BRWD1: variants seen among roughly 807,000 people sequenced by gnomAD.
The protein encoded by BRWD1 is bromodomain and WD repeat-containing protein 1.
A neutral mutation model predicts 251.2 loss-of-function variants in BRWD1; 82 were observed. The observed-to-expected ratio is 0.33, with a 90% confidence interval of 0.27 to 0.39. The LOEUF (loss-of-function observed/expected upper bound fraction) is 0.39, where lower values mean the gene tolerates loss of function less well. Ranked by LOEUF, BRWD1 falls within the 10% of genes least tolerant of loss-of-function variation. BRWD1 has a pLI of 1.00. For synonymous variants in BRWD1, 918 were observed against 902.8 expected (o/e 1.02, Z -0.30); for missense variants, 2,233 against 2,711.6 (o/e 0.82, Z 3.92).
At chr21:39,302,674 G>A (rs2036157194) in intron 4 of BRWD1, among the ~76,000 whole-genome samples, 1 of 147,170 alleles carries the variant, frequency 6.8e-6, no homozygotes, top group Middle Eastern at 3.8e-3. Context: ...CAAGAATCAC[G>A]AATCTGGGAG....
At chr21:39,205,598 CCT>C (rs969294293) in intron 37 of BRWD1, among the ~76,000 whole-genome samples, 2 of 151,858 alleles carry the variant, frequency 1.3e-5, no homozygotes, top group African/African-American at 2.4e-5. Flanking sequence ...ACGGTGAAAC[CCT>C]GTCTCTACTA....
Position 39,196,172 on chromosome 21 carries a change from T to G in BRWD1, c.*87A>C, listed in dbSNP as rs1312736082. On this transcript the variant is annotated 3_prime_UTR_variant, in exon 41 of 41. Coordinates refer to ENST00000342449, the MANE Select transcript of BRWD1 (RefSeq NM_033656.4). ...AAAAATATAAATATATTCCCTGAAT[T>G]GTAAGACAAAAAAATAATTTTAACA... The G allele has an allele frequency of 6.7e-7, 1 of 1,484,890 alleles. No individual in the cohort carries two copies. Among genetic ancestry groups the G allele is most frequent in the Non-Finnish European group, 8.9e-7 (1 of 1,123,860 alleles). 92.0% of individuals were successfully genotyped at this position (1,484,890 alleles called of 1,614,324 possible). A position where few individuals can be genotyped will look rare whatever the true frequency, so the allele number is the denominator to read the frequency against.
intron 29 of BRWD1, among the ~76,000 whole-genome samples, chr21:39,223,780 TG>T (rs1279688494): frequency 6.6e-6 from 1 of 152,116 alleles, no homozygotes. Flanking sequence ...ATCTTTTCCT[TG>T]AAGGAAGACC....
intron 20 of BRWD1, among the ~76,000 whole-genome samples, chr21:39,248,177 G>A (rs1012796754): frequency 6.6e-6 from 1 of 152,218 alleles, no homozygotes; most frequent in African/African-American, 2.4e-5. Flanking sequence ...ACATTATGAT[G>A]CAGTAAGCAA....
Position 39,192,990 on chromosome 21 carries a change from A to T in BRWD1, c.*3269T>A, listed in dbSNP as rs937209275. The stretch of plus-strand genomic sequence containing the variant: ...TGTGCACCCCTTATTCTAAGTGATA[A>T]TTTTTACTTACGAGGTCATAACGAG... On this transcript the variant is annotated 3_prime_UTR_variant, in exon 41 of 41. Coordinates refer to ENST00000342449, the MANE Select transcript of BRWD1 (RefSeq NM_033656.4). 2 of 984,868 alleles carry T rather than the reference A, an allele frequency of 2.0e-6. No homozygotes were observed. Among genetic ancestry groups the T allele is most frequent in the African/African-American group, 3.5e-5 (2 of 57,178 alleles). The allele number at this position is 984,868 out of a possible 1,614,324, so 61.0% of individuals were successfully genotyped here. A position where few individuals can be genotyped will look rare whatever the true frequency, so the allele number is the denominator to read the frequency against.
chr21:39,249,749 A>G (rs2034326497), intron 20 of BRWD1, among the ~76,000 whole-genome samples: 3 of 152,188 alleles, frequency 2.0e-5, no homozygotes, highest in Non-Finnish European at 4.4e-5. Context: ...ACTCGTATTA[A>G]TGAGTTTCAC....
rs200747216 is a variant in BRWD1 at position 39,295,705 on chromosome 21, C to G, written c.609+38G>C. ...TGATTCTGAAGCACACTAAAGTACT[C>G]TAGATGACATCAAATCAAGTTTAAA... On this transcript the variant is annotated intron_variant, in intron 7 of 40. Transcript: ENST00000342449. The G allele has an allele frequency of 3.5e-5, 52 of 1,490,742 alleles. No homozygotes were observed. The African/African-American group carries it at 6.4e-4, about 18-fold the overall frequency. 92.3% of individuals were successfully genotyped at this position (1,490,742 alleles called of 1,614,324 possible).
intron 21 of BRWD1, among the ~76,000 whole-genome samples, chr21:39,242,325 C>T (rs893035394): frequency 1.3e-5 from 2 of 152,196 alleles, no homozygotes; most frequent in African/African-American, 4.8e-5. Context: ...CAATAACATT[C>T]CCTTAAGCCA....
At chr21:39,269,059 C>A (rs889070561) in intron 15 of BRWD1, among the ~76,000 whole-genome samples, 1 of 151,848 alleles carries the variant, frequency 6.6e-6, no homozygotes, top group Non-Finnish European at 1.5e-5. Context: ...AACGCATGAG[C>A]CTGAACTGGA....
At chr21:39,318,335 T>G (rs1424908054), upstream of BRWD1, among the ~76,000 whole-genome samples, 1 of 152,180 alleles carries the variant, frequency 6.6e-6, no homozygotes, top group Non-Finnish European at 1.5e-5. Flanking sequence ...AGGAAATCTG[T>G]GAGCAATGGA....
In BRWD1 at chr21:39,240,991, C is replaced by T. The variant is rs571580031; in HGVS notation, c.2482-2418G>A. 1.0e-3 allele frequency among the ~76,000 whole-genome samples: 159 copies of T among 151,536 alleles called. 1 individual carries two copies. The highest frequency in any genetic ancestry group is 1.9e-3 in the Non-Finnish European group (130 of 67,884). ...TCTCGGCTCACTGCAACCTCCACTT[C>T]GTGGGTTCAAACGATTCTCCTGTCT... On this transcript the variant is annotated intron_variant, in intron 21 of 40. Coordinates refer to ENST00000342449, the MANE Select transcript of BRWD1 (RefSeq NM_033656.4).
intron 17 of BRWD1, among the ~76,000 whole-genome samples, chr21:39,260,812 TGA>T (rs1242700397): frequency 2.0e-5 from 3 of 151,730 alleles, no homozygotes; most frequent in African/African-American, 7.3e-5. Context: ...GAGACAGAGG[TGA>T]GAGTTTGCTG....
At chr21:39,274,695 C>T (rs1057425829) in intron 12 of BRWD1, among the ~76,000 whole-genome samples, 2 of 152,196 alleles carry the variant, frequency 1.3e-5, no homozygotes, top group African/African-American at 4.8e-5. Flanking sequence ...ACACCTCAAA[C>T]TCAATCAATA....
chr21:39,319,175 T>A (rs927748054), intron 1 of BRWD1, among the ~76,000 whole-genome samples: 3 of 152,236 alleles, frequency 2.0e-5, no homozygotes, highest in African/African-American at 7.2e-5. Context: ...TTCCTCCACC[T>A]ACTAGTGGTG....
intron 2 of BRWD1, 64 bp downstream of exon 2, chr21:39,313,177 C>A: frequency 6.7e-7 from 1 of 1,499,640 alleles, no homozygotes; most frequent in Non-Finnish European, 8.9e-7. Flanking sequence ...CCACCACCCG[C>A]GACCCCCGGC....
At chr21:39,279,654 A>G (rs1342511439) in intron 9 of BRWD1, among the ~76,000 whole-genome samples, 1 of 57,290 alleles carries the variant, frequency 1.7e-5, no homozygotes, top group Non-Finnish European at 5.0e-5. Context: ...AAAAAAAAAA[A>G]AAGAAAAAAA....
chr21:39,271,755 AG>A (rs1300803493), intron 13 of BRWD1, among the ~76,000 whole-genome samples: 1 of 151,504 alleles, frequency 6.6e-6, no homozygotes, highest in Non-Finnish European at 1.5e-5. Context: ...TAATTAACAA[AG>A]GCTGGGCATG....
At chr21:39,218,096 A>G in intron 31 of BRWD1, 56 bp downstream of exon 31, 2 of 1,514,694 alleles carry the variant, frequency 1.3e-6, no homozygotes, top group South Asian at 1.3e-5. Flanking sequence ...TGTTTACCCT[A>G]GTCAATATTG....
At chr21:39,315,704 C>G (rs2036689448), upstream of BRWD1, 2 of 151,692 alleles carry the variant, frequency 1.3e-5, no homozygotes, top group Admixed American at 1.3e-4. Context: ...AAGTTAACTC[C>G]TTACATCTGT....
Sources: gnomAD v4.1 joint callset for allele counts (sites outside exome capture counted in the v4.1 genomes callset) on GRCh38, gnomAD v4.1.1 for gene constraint, MANE v1.5 for transcripts, NCBI Gene and HGNC (gene_info 2026-07-23, HGNC 2026-07-21) for gene names.